Variants in RCSD1 observed in about 807,000 individuals in gnomAD.
RCSD1 encodes RCSD domain containing 1, also known as capZ-interacting protein.
Under a neutral mutation model 42.5 loss-of-function variants are expected in RCSD1, and 26 were observed. The observed-to-expected ratio is 0.61, with a 90% CI of 0.45 to 0.85. The LOEUF is 0.85. Ranked by LOEUF, RCSD1 falls within the 40% of genes least tolerant of loss-of-function variation. The probability of loss-of-function intolerance (pLI) is 0.00; values close to 1 mark genes in which losing one functional copy is unlikely to be tolerated. For missense variants in RCSD1, 571 were observed against 528.3 expected, an observed-to-expected ratio of 1.08 and a Z score of -0.79; for synonymous variants, 220 against 212.2, an observed-to-expected ratio of 1.04 and a Z score of -0.32.
chr1:167,665,486 G>A (rs1268452229), intron 1 of RCSD1, among the ~76,000 whole-genome samples: 1 of 152,220 alleles, frequency 6.6e-6, no homozygotes, highest in Non-Finnish European at 1.5e-5. Flanking sequence ...ATACAAGTAA[G>A]ATTGTTGGTA....
intron 1 of RCSD1, among the ~76,000 whole-genome samples, chr1:167,646,169 G>C (rs1001057202): frequency 2.6e-5 from 4 of 152,158 alleles, no homozygotes; most frequent in African/African-American, 9.7e-5. Flanking sequence ...TTACTCGTTG[G>C]GGGTGCGGAA....
Position 167,685,445 on chromosome 1 carries a change from A to C in RCSD1, c.133A>C (p.Arg45=). 1 of 1,613,676 alleles carries C rather than the reference A, an allele frequency of 6.2e-7. No homozygotes were observed. Among genetic ancestry groups the C allele is most frequent in the Non-Finnish European group, 8.5e-7 (1 of 1,179,834 alleles). Residue 45 remains arginine, a synonymous_variant, in exon 3 of 7, where the codon AGG becomes CGG. Coordinates refer to ENST00000367854, the MANE Select transcript of RCSD1 (RefSeq NM_052862.4). The stretch of plus-strand genomic sequence containing the variant: ...GACACCAGCCAGTAAACCAACCCGA[A>C]GGAAACCGCCCTGTTCCCTCCCCCT... The part of the protein sequence containing the change: ...KETPASKPTR[R]KPPCSLPLFP...
chr1:167,669,067 G>A lies in RCSD1; in HGVS notation c.7-14833G>A, dbSNP rs187447342. Among the ~76,000 whole-genome samples the A allele has an allele frequency of 7.2e-5, 11 of 152,244 alleles. No individual in the cohort carries two copies. In the East Asian group the frequency reaches 9.6e-4, roughly 13 times the overall value. On this transcript the variant is annotated intron_variant, in intron 1 of 6. Coordinates refer to ENST00000367854, the MANE Select transcript of RCSD1 (RefSeq NM_052862.4). ...CACTTCCCCTATGCATTAATTCCAAGTACAGTCAAAGATTAAGTAAGGAAA... is the reference window on the plus strand; with the variant it reads ...CACTTCCCCTATGCATTAATTCCAAATACAGTCAAAGATTAAGTAAGGAAA...
Position 167,706,295 on chromosome 1 carries a change from TCTATCTAG to T in RCSD1, c.*1602_*1609del, listed in dbSNP as rs983229620. 2 of 152,222 alleles carry T rather than the reference TCTATCTAG, an allele frequency of 1.3e-5. No homozygotes were observed. Among genetic ancestry groups the T allele is most frequent in the African/African-American group, 4.8e-5 (2 of 41,436 alleles). The allele number at this position is 152,222 out of a possible 1,614,324, so 9.4% of individuals were successfully genotyped here. On this transcript the variant is annotated 3_prime_UTR_variant, in exon 7 of 7. Transcript: ENST00000367854. Reference sequence around the variant, plus strand: ...TGAGATCTATAAACTTGTCTGTCTATCTATCTAGCTGGCTAGCTTGCTATCAATCTAGC... The same window carrying T: ...TGAGATCTATAAACTTGTCTGTCTATCTGGCTAGCTTGCTATCAATCTAGC...
intron 3 of RCSD1, among the ~76,000 whole-genome samples, chr1:167,688,014 G>A (rs1259820279): frequency 6.6e-6 from 1 of 152,252 alleles, no homozygotes; most frequent in Non-Finnish European, 1.5e-5. Context: ...TACATATACA[G>A]GGATGGAAGG....
chr1:167,640,896 G>A (rs373705084), intron 1 of RCSD1, among the ~76,000 whole-genome samples: 14 of 152,130 alleles, frequency 9.2e-5, no homozygotes, highest in Admixed American at 1.3e-4. Context: ...CCCCACTATC[G>A]CAGTCAACCT....
intron 6 of RCSD1, among the ~76,000 whole-genome samples, chr1:167,700,324 TA>T (rs1188509033): frequency 6.6e-6 from 1 of 152,128 alleles, no homozygotes; most frequent in African/African-American, 2.4e-5. Context: ...GTTAAGTTGT[TA>T]GGCAGAGGTG....
Position 167,706,968 on chromosome 1 carries a change from T to G in RCSD1, c.*2272T>G, listed in dbSNP as rs1372369729. On this transcript the variant is annotated 3_prime_UTR_variant, in exon 7 of 7. Transcript: ENST00000367854. ...TTCTTTCAGGCTTCCATAATGGGTT[T>G]GAAAGAAAACACGGATTCTTCTACA... Among the ~76,000 whole-genome samples, 4 of 152,226 alleles carry G rather than the reference T, an allele frequency of 2.6e-5. No individual in the cohort carries two copies. The highest frequency in any genetic ancestry group is 4.8e-5 in the African/African-American group (2 of 41,452).
chr1:167,704,589 T>C (rs913595592), intron 6 of RCSD1, 75 bp from the exon 7 acceptor site: 106 of 1,259,232 alleles, frequency 8.4e-5, no homozygotes, highest in Non-Finnish European at 1.0e-4. Context: ...AGATCCATCA[T>C]CCCCAAGGAG....
At chr1:167,686,997 C>G (rs1659250301) in intron 3 of RCSD1, among the ~76,000 whole-genome samples, 2 of 152,172 alleles carry the variant, frequency 1.3e-5, no homozygotes. Context: ...AGAGTAAAAG[C>G]AGAGGGAGTT....
At chr1:167,685,208 T>C (rs934451835) in intron 2 of RCSD1, among the ~76,000 whole-genome samples, 3 of 152,162 alleles carry the variant, frequency 2.0e-5, no homozygotes, top group Admixed American at 6.5e-5. Flanking sequence ...GGGTAGATGG[T>C]AAATAGAATT....
At chr1:167,641,197 A>C (rs1558071960) in intron 1 of RCSD1, among the ~76,000 whole-genome samples, 1 of 152,108 alleles carries the variant, frequency 6.6e-6, no homozygotes, top group Non-Finnish European at 1.5e-5. Context: ...CATTTCCATG[A>C]AGCCATGAGG....
At chr1:167,645,355 C>G (rs1182563874) in intron 1 of RCSD1, among the ~76,000 whole-genome samples, 2 of 152,160 alleles carry the variant, frequency 1.3e-5, no homozygotes, top group Admixed American at 1.3e-4. Flanking sequence ...CAGATGCTGT[C>G]TGGATTCCTG....
Position 167,707,896 on chromosome 1 carries a change from A to G in RCSD1, c.*3200A>G, listed in dbSNP as rs1161484148. Among the ~76,000 whole-genome samples the G allele has an allele frequency of 2.0e-5, 3 of 152,202 alleles. No individual in the cohort carries two copies. Among genetic ancestry groups the G allele is most frequent in the African/African-American group, 4.8e-5 (2 of 41,448 alleles). ...TTTTTAGTAGAGACCAGGTTTCACT[A>G]TGTTGGCCAGGCTGGTCTCAAACTC... On this transcript the variant is annotated 3_prime_UTR_variant, in exon 7 of 7. Coordinates refer to ENST00000367854, the MANE Select transcript of RCSD1 (RefSeq NM_052862.4).
rs377201633 is a variant in RCSD1, at chr1:167,674,620, C to T, written c.7-9280C>T. 3.2e-4 allele frequency among the ~76,000 whole-genome samples: 48 copies of T among 152,332 alleles called. No individual in the cohort carries two copies. The East Asian group carries it at 7.9e-3, about 25-fold the overall frequency. ...AAGAAAGCCTGTAGGCTTTAGCTATCACCCCACCTCCTGTCTTCCTATCTC... is the reference window on the plus strand; with the variant it reads ...AAGAAAGCCTGTAGGCTTTAGCTATTACCCCACCTCCTGTCTTCCTATCTC... On this transcript the variant is annotated intron_variant, in intron 1 of 6. Coordinates refer to ENST00000367854, the MANE Select transcript of RCSD1 (RefSeq NM_052862.4).
intron 1 of RCSD1, among the ~76,000 whole-genome samples, chr1:167,662,704 C>A (rs1463092743): frequency 6.6e-6 from 1 of 152,140 alleles, no homozygotes; most frequent in Non-Finnish European, 1.5e-5. Context: ...GCAGGGAGTT[C>A]CACTCCTAAA....
chr1:167,655,687 G>T (rs1658409772), intron 1 of RCSD1, among the ~76,000 whole-genome samples: 1 of 152,160 alleles, frequency 6.6e-6, no homozygotes, highest in African/African-American at 2.4e-5. Flanking sequence ...GATTAGGAGA[G>T]CAGGAAGCCC....
intron 1 of RCSD1, among the ~76,000 whole-genome samples, chr1:167,645,322 T>C (rs1658106699): frequency 6.6e-6 from 1 of 152,214 alleles, no homozygotes; most frequent in Non-Finnish European, 1.5e-5. Flanking sequence ...GTTCCACAAA[T>C]ATTTATTGGG....
At chr1:167,656,134 T>G (rs188079311) in intron 1 of RCSD1, among the ~76,000 whole-genome samples, 69 of 152,306 alleles carry the variant, frequency 4.5e-4, no homozygotes, top group African/African-American at 1.6e-3. Context: ...AGACATTCTG[T>G]GAGGTGGGTA....
Sources: allele counts gnomAD v4.1 joint callset (sites outside exome capture counted in the v4.1 genomes callset), GRCh38; gene constraint gnomAD v4.1.1; transcripts MANE v1.5; gene names NCBI Gene and HGNC (gene_info 2026-07-23, HGNC 2026-07-21).